The following CADM1 variants were observed in gnomAD, a reference collection of about 807,000 sequenced individuals.
The protein encoded by CADM1 is cell adhesion molecule 1.
A neutral mutation model predicts 53.1 loss-of-function variants in CADM1; 15 were observed. The ratio of observed to expected loss-of-function variants is 0.28; its 90% confidence interval spans 0.19 to 0.44. The LOEUF is 0.44. Ranked by LOEUF, CADM1 falls within the 20% of genes least tolerant of loss-of-function variation. The pLI, the probability that CADM1 is intolerant of heterozygous loss-of-function variation, is 1.00. For synonymous variants in CADM1, 281 were observed against 243.0 expected (o/e 1.16, Z -1.45); for missense variants, 434 against 611.3 (o/e 0.71, Z 3.06).
rs150165013 is a variant in CADM1 at position 115,229,010 on chromosome 11, C to A, written c.721+103G>T. The A allele has an allele frequency of 2.2e-5, 23 of 1,044,842 alleles. No homozygotes were observed. The East Asian group carries it at 4.6e-4, about 21-fold the overall frequency. 64.7% of individuals were successfully genotyped at this position (1,044,842 alleles called of 1,614,324 possible). A position where few individuals can be genotyped will look rare whatever the true frequency, so the allele number is the denominator to read the frequency against. ...TATTTTTCTAGCAAAAATAAGAATT[C>A]TATGTATACTATATAAAATGAATGC... On this transcript the variant is annotated intron_variant, in intron 5 of 11. Coordinates refer to ENST00000331581, the MANE Select transcript of CADM1 (RefSeq NM_001301043.2).
intron 1 of CADM1, among the ~76,000 whole-genome samples, chr11:115,429,637 A>G (rs1255472328): frequency 2.6e-5 from 4 of 152,138 alleles, no homozygotes; most frequent in African/African-American, 9.7e-5. Flanking sequence ...AGTAACATTG[A>G]AATCAAACAT....
In CADM1 at chr11:115,229,134, G is replaced by T. The variant is rs1297212162; in HGVS notation, c.700C>A (p.Gln234Lys). 1 of 1,614,000 alleles carries T rather than the reference G, an allele frequency of 6.2e-7. No homozygotes were observed. The highest frequency in any genetic ancestry group is 1.1e-5 in the South Asian group (1 of 91,078). ...HPAVTGNLQT[Q>K]RYLEVQYKPQ... is the part of the protein sequence containing the mutation. ...TCACACTGTACTTCTAGATACCGCT[G>T]GGTCTGCAGGTTTCCAGTGACCGCA... is the stretch of plus-strand genomic sequence containing the variant. The change falls in exon 5 of 12, where the codon CAG becomes AAG. Residue 234 changes from glutamine (Q) to lysine (K), a missense_variant. This residue lies in a region of CADM1 where 311 missense variants were observed against 435.1 expected (regional missense o/e 0.71). Coordinates refer to ENST00000331581, the MANE Select transcript of CADM1 (RefSeq NM_001301043.2).
intron 1 of CADM1, among the ~76,000 whole-genome samples, chr11:115,389,916 T>C (rs376522378): frequency 6.6e-6 from 1 of 152,226 alleles, no homozygotes; most frequent in Admixed American, 6.5e-5. Context: ...TAAATTATAC[T>C]GTGGATGTGC....
At chr11:115,439,862 T>G (rs1591241145) in intron 1 of CADM1, among the ~76,000 whole-genome samples, 1 of 152,366 alleles carries the variant, frequency 6.6e-6, no homozygotes, top group South Asian at 2.1e-4. Context: ...GCTCAGAATT[T>G]CTAAAGTAAA....
At chr11:115,222,581 G>A (rs1941446035) in intron 5 of CADM1, among the ~76,000 whole-genome samples, 1 of 152,144 alleles carries the variant, frequency 6.6e-6, no homozygotes. Context: ...ACCTCCTGCT[G>A]TTACATCTGT....
intron 1 of CADM1, among the ~76,000 whole-genome samples, chr11:115,344,013 G>A (rs1945514027): frequency 6.6e-6 from 1 of 152,094 alleles, no homozygotes; most frequent in Non-Finnish European, 1.5e-5. Context: ...GAGTATCGTG[G>A]AGCTTTGTTA....
At chr11:115,314,563 G>A (rs2135171220) in intron 1 of CADM1, among the ~76,000 whole-genome samples, 1 of 152,250 alleles carries the variant, frequency 6.6e-6, no homozygotes, top group South Asian at 2.1e-4. Context: ...TATGTAGAAA[G>A]TGCTCATTCC....
At chr11:115,200,007 C>T (rs937237156) in intron 8 of CADM1, among the ~76,000 whole-genome samples, 6 of 152,216 alleles carry the variant, frequency 3.9e-5, no homozygotes, top group Admixed American at 6.5e-5. Context: ...GAATTCACAC[C>T]GGCATTCCCC....
chr11:115,371,406 A>G (rs1257182767), intron 1 of CADM1, among the ~76,000 whole-genome samples: 2 of 152,112 alleles, frequency 1.3e-5, no homozygotes, highest in Admixed American at 6.5e-5. Flanking sequence ...TAAGCTCTAC[A>G]ACAACCACTA....
At chr11:115,458,447 TAGC>T (rs1269471018) in intron 1 of CADM1, among the ~76,000 whole-genome samples, 3 of 151,064 alleles carry the variant, frequency 2.0e-5, no homozygotes, top group Non-Finnish European at 4.4e-5. Flanking sequence ...AATGTTTACT[TAGC>T]AGGGTGCTTG....
In CADM1 at chr11:115,492,370, G is replaced by A. The variant is rs371504177; in HGVS notation, c.124+11901C>T. 8.6e-4 allele frequency among the ~76,000 whole-genome samples: 131 copies of A among 152,270 alleles called. 2 individuals carry two copies. The Middle Eastern group carries it at 0.031, about 36-fold the overall frequency. On this transcript the variant is annotated intron_variant, in intron 1 of 11. Coordinates refer to ENST00000331581, the MANE Select transcript of CADM1 (RefSeq NM_001301043.2). ...GAATGGTACAAAAAACATAGGGAAC[G>A]AAATGAGAATGGACAGTTTTGATTT...
chr11:115,416,698 T>TACACACACAC lies in CADM1; in HGVS notation c.124+87563_124+87572dup, dbSNP rs34112529. On this transcript the variant is annotated intron_variant, in intron 1 of 11. Coordinates refer to ENST00000331581, the MANE Select transcript of CADM1 (RefSeq NM_001301043.2). ...ATGCTGGTCAGTTGTAAGGATTAAA[T>TACACACACAC]ACACACACACACACACACACACACA... 3.9e-3 allele frequency among the ~76,000 whole-genome samples: 557 copies of TACACACACAC among 141,464 alleles called. 2 individuals are homozygous for TACACACACAC. Among genetic ancestry groups the TACACACACAC allele is most frequent in the African/African-American group, 9.3e-3 (353 of 37,940 alleles). 92.8% of individuals were successfully genotyped at this position (141,464 alleles called of 152,430 possible). A position where few individuals can be genotyped will look rare whatever the true frequency, so the allele number is the denominator to read the frequency against.
At chr11:115,271,298 T>G (rs936171316) in intron 1 of CADM1, among the ~76,000 whole-genome samples, 1 of 151,360 alleles carries the variant, frequency 6.6e-6, no homozygotes, top group Non-Finnish European at 1.5e-5. Flanking sequence ...TGTTGTTGTT[T>G]TTGAGACAGA....
chr11:115,260,699 G>C (rs910985835), intron 1 of CADM1, among the ~76,000 whole-genome samples: 1 of 151,666 alleles, frequency 6.6e-6, no homozygotes, highest in African/African-American at 2.4e-5. Context: ...TTCAGACGGG[G>C]TCTCGCTCTG....
intron 1 of CADM1, among the ~76,000 whole-genome samples, chr11:115,248,041 T>C (rs1942463309): frequency 6.6e-6 from 1 of 152,260 alleles, no homozygotes; most frequent in African/African-American, 2.4e-5. Flanking sequence ...CCCAAGAGAA[T>C]GATCTCCTAC....
intron 8 of CADM1, chr11:115,207,205 T>C (rs1461413936): frequency 6.6e-6 from 1 of 152,174 alleles, no homozygotes; most frequent in Admixed American, 6.5e-5. Flanking sequence ...AGTGAGATTC[T>C]GGGCATTCAT....
intron 8 of CADM1, among the ~76,000 whole-genome samples, chr11:115,201,732 C>T (rs1460949749): frequency 1.3e-5 from 2 of 152,030 alleles, no homozygotes; most frequent in Non-Finnish European, 2.9e-5. Context: ...AATCTTTGAG[C>T]TAGCCCATGA....
At chr11:115,494,627 GA>G (rs1462753015) in intron 1 of CADM1, among the ~76,000 whole-genome samples, 1 of 152,104 alleles carries the variant, frequency 6.6e-6, no homozygotes, top group African/African-American at 2.4e-5. Flanking sequence ...AGTACATCCT[GA>G]ATTAATCCTT....
intron 1 of CADM1, among the ~76,000 whole-genome samples, chr11:115,426,585 T>C (rs1263088526): frequency 6.6e-6 from 1 of 152,182 alleles, no homozygotes; most frequent in East Asian, 1.9e-4. Flanking sequence ...CAGAAACACC[T>C]GTGGCTGGAG....
Sources: allele counts gnomAD v4.1 joint callset (sites outside exome capture counted in the v4.1 genomes callset), GRCh38; gene constraint gnomAD v4.1.1; regional missense constraint gnomAD v4.1.1; transcripts MANE v1.5; gene names NCBI Gene and HGNC (gene_info 2026-07-23, HGNC 2026-07-21).